BET1: variants seen among roughly 807,000 people sequenced by gnomAD.
BET1 encodes BET1 homolog.
Under a neutral mutation model 13.9 loss-of-function variants are expected in BET1, and 9 were observed. The ratio of observed to expected loss-of-function variants is 0.65; its 90% CI spans 0.39 to 1.13. The LOEUF (loss-of-function observed/expected upper bound fraction) is 1.13, where lower values mean the gene tolerates loss of function less well. Among genes scored for constraint, BET1 ranks in the 50% most tolerant of loss-of-function variants. The pLI is 0.01. For missense variants in BET1, 127 were observed against 133.6 expected, an observed-to-expected ratio of 0.95 and a Z score of 0.24; for synonymous variants, 39 against 47.3, an observed-to-expected ratio of 0.82 and a Z score of 0.72.
chr7:93,980,233 C>G lies in BET1; in HGVS notation c.236-4133G>C, dbSNP rs193257135. ...ATTAATGTCAATCCTTCTCAAACTC[C>G]CTCAGAAAACTGAATAGGAGGAAGG... On this transcript the variant is annotated intron_variant and NMD_transcript_variant, in intron 4 of 6. Coordinates refer to the BET1 transcript ENST00000357520. Among the ~76,000 whole-genome samples the G allele has an allele frequency of 1.3e-3, 196 of 152,244 alleles. 1 individual carries two copies. Among genetic ancestry groups the G allele is most frequent in the African/African-American group, 4.6e-3 (192 of 41,556 alleles).
chr7:93,964,979 A>G (rs775821215), exon 7 of BET1: 21 of 152,122 alleles, frequency 1.4e-4, no homozygotes, highest in Non-Finnish European at 2.5e-4. Flanking sequence ...CTGAGTATCT[A>G]TCCAAAGGAA....
At chr7:93,965,606 C>T (rs1367026276) in exon 7 of BET1, 1 of 151,988 alleles carries the variant, frequency 6.6e-6, no homozygotes, top group African/African-American at 2.4e-5. Context: ...CCATCACAAA[C>T]AGATTCTTGA....
At chr7:93,991,519 G>GA (rs1356910922), downstream of BET1, among the ~76,000 whole-genome samples, 3 of 152,142 alleles carry the variant, frequency 2.0e-5, no homozygotes, top group Admixed American at 6.5e-5. Flanking sequence ...ATAGTGCTTG[G>GA]AATCGAGTGT....
At chr7:93,965,994 A>G (rs1393889345) in intron 6 of BET1, among the ~76,000 whole-genome samples, 1 of 151,972 alleles carries the variant, frequency 6.6e-6, no homozygotes, top group Non-Finnish European at 1.5e-5. Context: ...GCCACCACTG[A>G]CTAAGTACTC....
At chr7:93,985,994 T>C (rs919415027) in intron 4 of BET1, among the ~76,000 whole-genome samples, 4 of 152,164 alleles carry the variant, frequency 2.6e-5, no homozygotes, top group Non-Finnish European at 5.9e-5. Flanking sequence ...TTTTATCTTT[T>C]TTCCTGCTCC....
downstream of BET1, among the ~76,000 whole-genome samples, chr7:93,988,600 T>C (rs1323420269): frequency 6.6e-6 from 1 of 152,194 alleles, no homozygotes; most frequent in African/African-American, 2.4e-5. Flanking sequence ...TCTGAAAACA[T>C]ACATCATTTC....
downstream of BET1, chr7:93,991,784 T>C: frequency 1.0e-6 from 1 of 963,406 alleles, no homozygotes; most frequent in South Asian, 4.8e-5. Flanking sequence ...TCCCAATAAA[T>C]ATTTAGTCAA....
At chr7:93,969,782 CTCTT>C (rs1259801029) in intron 6 of BET1, 1 of 151,688 alleles carries the variant, frequency 6.6e-6, no homozygotes, top group Non-Finnish European at 1.5e-5. Context: ...AATTTTTAGT[CTCTT>C]TATCCTTGAT....
chr7:93,972,458 G>T (rs986223450), intron 6 of BET1: 2 of 151,848 alleles, frequency 1.3e-5, no homozygotes, highest in African/African-American at 4.8e-5. Flanking sequence ...GAAATAGAAA[G>T]CCAGAGAGAT....
At chr7:93,997,833 C>A (rs1795805678) in intron 2 of BET1, among the ~76,000 whole-genome samples, 1 of 152,120 alleles carries the variant, frequency 6.6e-6, no homozygotes, top group East Asian at 1.9e-4. Flanking sequence ...AAAGTAAGTA[C>A]AATAGAAAAC....
chr7:93,981,203 C>A (rs1443675480), intron 4 of BET1, among the ~76,000 whole-genome samples: 1 of 152,152 alleles, frequency 6.6e-6, no homozygotes, highest in African/African-American at 2.4e-5. Context: ...TTCACAGTGA[C>A]CAACTCTTCC....
intron 4 of BET1, among the ~76,000 whole-genome samples, chr7:93,977,781 G>T (rs1469343707): frequency 1.3e-5 from 2 of 152,148 alleles, no homozygotes; most frequent in Non-Finnish European, 2.9e-5. Flanking sequence ...AGATGCTTGT[G>T]TCAATCTTCC....
At position 94,002,580 on chromosome 7, in the gene BET1, C is replaced by T. The variant is rs141388877; in HGVS notation, c.19+1618G>A. Among the ~76,000 whole-genome samples, 6 of 152,008 alleles carry T rather than the reference C, an allele frequency of 3.9e-5. No homozygotes were observed. In the East Asian group the frequency reaches 1.2e-3, roughly 29 times the overall value. Reference sequence around the variant, plus strand: ...CCAGGTAACAATACTTTAAAAACTTCCCAAGGGATTCTAATGTACAGTCAG... The same window carrying T: ...CCAGGTAACAATACTTTAAAAACTTTCCAAGGGATTCTAATGTACAGTCAG... On this transcript the variant is annotated intron_variant, in intron 1 of 3. Transcript: ENST00000222547.
intron 4 of BET1, among the ~76,000 whole-genome samples, chr7:93,976,453 A>G (rs1795338297): frequency 6.6e-6 from 1 of 152,098 alleles, no homozygotes; most frequent in Non-Finnish European, 1.5e-5. Flanking sequence ...AAATGGCACA[A>G]TGACCTTTTA....
chr7:94,000,872 T>G (rs1337632247), intron 1 of BET1, among the ~76,000 whole-genome samples: 1 of 152,140 alleles, frequency 6.6e-6, no homozygotes, highest in Non-Finnish European at 1.5e-5. Flanking sequence ...CACAGTTGCT[T>G]GCACCTATAA....
chr7:93,971,121 A>G (rs1487663567), intron 6 of BET1, among the ~76,000 whole-genome samples: 1 of 151,876 alleles, frequency 6.6e-6, no homozygotes, highest in Non-Finnish European at 1.5e-5. Context: ...CATCTAACAT[A>G]AATTCAATAG....
intron 6 of BET1, chr7:93,968,317 G>T (rs151336608): frequency 1.8e-4 from 27 of 151,818 alleles, no homozygotes; most frequent in African/African-American, 6.3e-4. Context: ...ACACCAAACT[G>T]TGTAAATATT....
intron 5 of BET1, among the ~76,000 whole-genome samples, chr7:93,972,948 C>G (rs1276572535): frequency 6.6e-6 from 1 of 151,388 alleles, no homozygotes; most frequent in Non-Finnish European, 1.5e-5. Context: ...ACAGCCTTAT[C>G]TTCTGCATAT....
At chr7:93,968,670 C>T (rs1055769413) in intron 6 of BET1, among the ~76,000 whole-genome samples, 1 of 151,710 alleles carries the variant, frequency 6.6e-6, no homozygotes, top group African/African-American at 2.4e-5. Flanking sequence ...CTGGTATGTG[C>T]ACCCAATTAT....
Sources: gnomAD v4.1 joint callset for allele counts (sites outside exome capture counted in the v4.1 genomes callset) on GRCh38, gnomAD v4.1.1 for gene constraint, MANE v1.5 for transcripts, NCBI Gene and HGNC (gene_info 2026-07-23, HGNC 2026-07-21) for gene names.